The following KCNQ2 variants were observed in gnomAD, a reference collection of about 807,000 sequenced individuals.
KCNQ2 encodes the protein potassium voltage-gated channel subfamily Q member 2.
In KCNQ2, 14 loss-of-function variants were observed where a neutral mutation model predicts 84.8. The ratio of observed to expected loss-of-function variants is 0.17; its 90% confidence interval spans 0.11 to 0.26. The LOEUF is 0.26. KCNQ2 is among the 10% of genes least tolerant of loss of function. The probability of loss-of-function intolerance (pLI) is 1.00; values close to 1 mark genes in which losing one functional copy is unlikely to be tolerated. For missense variants in KCNQ2, 788 were observed against 1,254.0 expected, an observed-to-expected ratio of 0.63 and a Z score of 5.61; for synonymous variants, 599 against 554.1, an observed-to-expected ratio of 1.08 and a Z score of -1.14.
At chr20:63,434,719 G>C (rs942000314) in intron 7 of KCNQ2, 1 of 152,238 alleles carries the variant, frequency 6.6e-6, no homozygotes, top group Admixed American at 6.5e-5. Flanking sequence ...TCCCCGTCTG[G>C]CTCCCTCCAC....
chr20:63,424,392 C>T (rs2080567864), intron 10 of KCNQ2, 186 bp from the exon 11 acceptor site: 1 of 649,298 alleles, frequency 1.5e-6, no homozygotes, highest in Non-Finnish European at 2.7e-6. Context: ...GGAACGGGCA[C>T]CCCAGGGCCC....
At chr20:63,461,581 G>C (rs1268330427) in intron 1 of KCNQ2, among the ~76,000 whole-genome samples, 1 of 152,152 alleles carries the variant, frequency 6.6e-6, no homozygotes, top group Non-Finnish European at 1.5e-5. Flanking sequence ...CCGGGGGCCG[G>C]CCCTCCTCCC....
In KCNQ2 at chr20:63,400,355, C is replaced by A. The variant is rs557150224; in HGVS notation, c.*6289G>T. On this transcript the variant is annotated 3_prime_UTR_variant, in exon 17 of 17. Coordinates refer to ENST00000359125, the MANE Select transcript of KCNQ2 (RefSeq NM_172107.4). The surrounding 1 kb of genome is among the most constrained non-coding windows in gnomAD (Gnocchi z 8.7). Reference sequence around the variant, plus strand: ...GAAGTCCCCCGCAAACCCGCACTGGCGCATTCTTACGGCTCTGGCATCAAC... The same window carrying A: ...GAAGTCCCCCGCAAACCCGCACTGGAGCATTCTTACGGCTCTGGCATCAAC... The A allele has an allele frequency of 1.7e-5, 6 of 352,902 alleles. No homozygotes were observed. In the South Asian group the frequency reaches 9.2e-4, roughly 54 times the overall value. The allele number at this position is 352,902 out of a possible 1,614,324, so 21.9% of individuals were successfully genotyped here.
chr20:63,439,941 T>A (rs893623476), intron 5 of KCNQ2, among the ~76,000 whole-genome samples: 1 of 152,188 alleles, frequency 6.6e-6, no homozygotes, highest in African/African-American at 2.4e-5. Flanking sequence ...AAAGGCTGTG[T>A]CCCCATCTCA....
chr20:63,439,714 G>C lies in KCNQ2; in HGVS notation c.817-6C>G, dbSNP rs745928004. The C allele has an allele frequency of 1.2e-6, 2 of 1,604,962 alleles. No homozygotes were observed. Among genetic ancestry groups the C allele is most frequent in the Non-Finnish European group, 1.7e-6 (2 of 1,172,152 alleles). On this transcript the variant is annotated splice_region_variant and splice_polypyrimidine_tract_variant and intron_variant, in intron 5 of 16. Transcript: ENST00000359125. ...CCAATGGTGGTCAGCGTGATCTGTG[G>C]GACCGCAGGCTCTAGTCACACGAAG...
Position 63,413,432 on chromosome 20 carries a change from G to A in KCNQ2, c.1763+18C>T. Reference sequence around the variant, plus strand: ...CCCCGTTCTTGTCCCCTGCTGGACAGGCAGGCGGGGCTCTTGCCTGGACTG... The same window carrying A: ...CCCCGTTCTTGTCCCCTGCTGGACAAGCAGGCGGGGCTCTTGCCTGGACTG... On this transcript the variant is annotated intron_variant, in intron 15 of 16. Transcript: ENST00000359125. The A allele has an allele frequency of 1.2e-6, 2 of 1,612,614 alleles. No individual in the cohort carries two copies. Among genetic ancestry groups the A allele is most frequent in the Non-Finnish European group, 1.7e-6 (2 of 1,179,806 alleles).
intron 1 of KCNQ2, among the ~76,000 whole-genome samples, chr20:63,459,658 C>T (rs375494536): frequency 7.2e-5 from 11 of 152,294 alleles, no homozygotes; most frequent in Admixed American, 4.6e-4. Context: ...GGGCTGGTGG[C>T]GGCAGACCAT....
intron 7 of KCNQ2, among the ~76,000 whole-genome samples, chr20:63,436,259 C>T (rs974766738): frequency 4.6e-5 from 7 of 152,196 alleles, no homozygotes; most frequent in African/African-American, 1.2e-4. Context: ...CAGCCGGGCG[C>T]AGTGGCTCAC....
At position 63,447,134 on chromosome 20, in the gene KCNQ2, T is replaced by C. The variant is rs6062941; in HGVS notation, c.297-297A>G. ...TCCACTCTGGCCCCTGCCCCTTCTG[T>C]CTGGTTTCAGCCTGGCAGCCTCATC... is the stretch of plus-strand genomic sequence containing the variant. On this transcript the variant is annotated intron_variant, in intron 1 of 16. Coordinates refer to ENST00000359125, the MANE Select transcript of KCNQ2 (RefSeq NM_172107.4). 0.21 allele frequency among the ~76,000 whole-genome samples: 31,629 copies of C among 151,606 alleles called. 3,695 individuals carry two copies. The highest frequency in any genetic ancestry group is 0.27 in the Non-Finnish European group (18,625 of 67,828).
In KCNQ2 at chr20:63,400,446, G is replaced by T. The variant is rs528952398; in HGVS notation, c.*6198C>A. ...GAAAACTAGAGTTCATTCCCTGGGC[G>T]TCTATCCCTAGAAAATGGACGGTGC... On this transcript the variant is annotated 3_prime_UTR_variant, in exon 17 of 17. Coordinates refer to ENST00000359125, the MANE Select transcript of KCNQ2 (RefSeq NM_172107.4). The surrounding 1 kb of genome is among the most constrained non-coding windows in gnomAD (Gnocchi z 8.7). 2.5e-6 allele frequency: 1 copy of T among 397,076 alleles called. No homozygotes were observed. The highest frequency in any genetic ancestry group is 3.6e-5 in the East Asian group (1 of 28,046). The allele number at this position is 397,076 out of a possible 1,614,324, so 24.6% of individuals were successfully genotyped here. A position where few individuals can be genotyped will look rare whatever the true frequency, so the allele number is the denominator to read the frequency against.
intron 6 of KCNQ2, among the ~76,000 whole-genome samples, chr20:63,439,083 C>T (rs1467789332): frequency 6.6e-6 from 1 of 152,218 alleles, no homozygotes; most frequent in African/African-American, 2.4e-5. Context: ...TTCCCTTCCA[C>T]ACAGAAGAGT....
At chr20:63,424,318 G>A in intron 10 of KCNQ2, 112 bp from the exon 11 acceptor site, 7 of 1,297,768 alleles carry the variant, frequency 5.4e-6, no homozygotes, top group Non-Finnish European at 7.6e-6. Flanking sequence ...AGGGGAGGGG[G>A]GTCTCAGAAA....
rs557580711 is a variant in KCNQ2 at position 63,461,243 on chromosome 20, A to T, written c.296+10925T>A. On this transcript the variant is annotated intron_variant, in intron 1 of 16. Transcript: ENST00000359125. Reference sequence around the variant, plus strand: ...CCCTGTCCACCCGCCGCTCAGGCCAAGGCCCCCCCAACTTTCTTCACGTGA... The same window carrying T: ...CCCTGTCCACCCGCCGCTCAGGCCATGGCCCCCCCAACTTTCTTCACGTGA... Among the ~76,000 whole-genome samples the T allele has an allele frequency of 7.3e-4, 111 of 152,330 alleles. 1 individual carries two copies. The highest frequency in any genetic ancestry group is 2.2e-4 in the Non-Finnish European group (15 of 68,014).
chr20:63,467,653 G>A (rs377127590), intron 1 of KCNQ2, among the ~76,000 whole-genome samples: 1 of 152,240 alleles, frequency 6.6e-6, no homozygotes, highest in South Asian at 2.1e-4. Context: ...GAGATCCATA[G>A]ATTCATTTGT....
Position 63,415,137 on chromosome 20 carries a change from G to C in KCNQ2, c.1302-11C>G, listed in dbSNP as rs371007020. On this transcript the variant is annotated splice_polypyrimidine_tract_variant and intron_variant, in intron 12 of 16. Coordinates refer to ENST00000359125, the MANE Select transcript of KCNQ2 (RefSeq NM_172107.4). ...AAACTGACCTTCTGGCTGCTCCCAC[G>C]GGAACCGACAGACAGACAGAAAAAC... is the stretch of plus-strand genomic sequence containing the variant. 2.0e-4 allele frequency: 209 copies of C among 1,063,476 alleles called. No individual in the cohort carries two copies. Among genetic ancestry groups the C allele is most frequent in the Admixed American group, 3.9e-4 (14 of 35,942 alleles). 65.9% of individuals were successfully genotyped at this position (1,063,476 alleles called of 1,614,324 possible).
chr20:63,418,175 C>T (rs777334918), intron 12 of KCNQ2, among the ~76,000 whole-genome samples: 35 of 152,232 alleles, frequency 2.3e-4, no homozygotes, highest in Non-Finnish European at 4.6e-4. Context: ...CAGGCCCTCC[C>T]TCGGCCACAA....
intron 1 of KCNQ2, among the ~76,000 whole-genome samples, chr20:63,467,407 C>T (rs1213260020): frequency 6.6e-6 from 1 of 152,164 alleles, no homozygotes; most frequent in African/African-American, 2.4e-5. Context: ...TGAGGCTAGC[C>T]CGGCTCCTGT....
rs776037713 is a variant in KCNQ2, at chr20:63,408,451, G to A, written c.1849C>T (p.Pro617Ser). Reference protein sequence around the residue: ...GPAEAELPEDPSMMGRLGKVE... With the variant: ...GPAEAELPEDSSMMGRLGKVE... Reference sequence around the variant, plus strand: ...TTCCCGAGCCGTCCCATCATGCTGGGGTCCTCGGGCAGCTCCGCCTCGGCC... The same window carrying A: ...TTCCCGAGCCGTCCCATCATGCTGGAGTCCTCGGGCAGCTCCGCCTCGGCC... Residue 617 changes from proline (P) to serine (S), a missense_variant, in exon 16 of 17, where the codon CCC (proline) becomes TCC (serine). Coordinates refer to ENST00000359125, the MANE Select transcript of KCNQ2 (RefSeq NM_172107.4). The surrounding 1 kb of genome is among the most constrained non-coding windows in gnomAD (Gnocchi z 5.0). 11 of 1,609,226 alleles carry A rather than the reference G, an allele frequency of 6.8e-6. No individual in the cohort carries two copies. The South Asian group carries it at 9.9e-5, about 15-fold the overall frequency.
At chr20:63,415,418 C>T (rs1275542769) in intron 12 of KCNQ2, among the ~76,000 whole-genome samples, 1 of 105,898 alleles carries the variant, frequency 9.4e-6, no homozygotes, top group African/African-American at 4.1e-5. Context: ...CTACCGGGGC[C>T]GAGCACCCGG....
Sources: allele counts gnomAD v4.1 joint callset (sites outside exome capture counted in the v4.1 genomes callset), GRCh38; gene constraint gnomAD v4.1.1; non-coding constraint Gnocchi (gnomAD v3.1); transcripts MANE v1.5; gene names NCBI Gene and HGNC (gene_info 2026-07-23, HGNC 2026-07-21).